The following DNAH10 variants were observed in gnomAD, a reference collection of about 807,000 sequenced individuals.
DNAH10 encodes the protein dynein axonemal heavy chain 10.
Under a neutral mutation model 506.6 loss-of-function variants are expected in DNAH10, and 348 were observed. That is an observed-to-expected ratio of 0.69 (90% CI 0.63 to 0.75). The LOEUF (loss-of-function observed/expected upper bound fraction) is 0.75, where lower values mean the gene tolerates loss of function less well. DNAH10 is among the 30% of genes least tolerant of loss of function. The probability of loss-of-function intolerance (pLI) is 0.00; values close to 1 mark genes in which losing one functional copy is unlikely to be tolerated. For synonymous variants in DNAH10, 2,059 were observed against 2,198.6 expected (o/e 0.94, Z 1.78); for missense variants, 5,179 against 5,787.1 (o/e 0.89, Z 3.41).
At chr12:123,791,007 A>C (rs1005305565) in intron 11 of DNAH10, among the ~76,000 whole-genome samples, 2 of 152,132 alleles carry the variant, frequency 1.3e-5, no homozygotes, top group African/African-American at 2.4e-5. Flanking sequence ...TTCTTCCTGT[A>C]GTCCCAGCTA....
At chr12:123,904,905 A>G (rs1953705465) in intron 57 of DNAH10, among the ~76,000 whole-genome samples, 1 of 152,134 alleles carries the variant, frequency 6.6e-6, no homozygotes, top group Admixed American at 6.5e-5. Flanking sequence ...TGTGTCCTCT[A>G]TCAGCTGTGG....
In DNAH10 at chr12:123,916,741, G is replaced by A. The variant is rs1328925641; in HGVS notation, c.11002+5G>A. The A allele has an allele frequency of 1.2e-6, 2 of 1,601,582 alleles. No individual in the cohort carries two copies. The highest frequency in any genetic ancestry group is 2.2e-5 in the East Asian group (1 of 44,694). On this transcript the variant is annotated splice_donor_5th_base_variant and intron_variant, in intron 63 of 78. Coordinates refer to ENST00000673944, the MANE Select transcript of DNAH10 (RefSeq NM_001372106.1). The surrounding 1 kb of genome is among the most constrained non-coding windows in gnomAD (Gnocchi z 4.6). ...CTATGGTGATCAATTACACTGGTAA[G>A]AATGTGTAGAACCTCCACTGCTAAT...
chr12:123,867,406 C>T, intron 41 of DNAH10, 61 bp from the exon 42 acceptor site: 1 of 1,547,208 alleles, frequency 6.5e-7, no homozygotes, highest in South Asian at 1.3e-5. Context: ...AAAAGCTTTC[C>T]ACTAACTTCC....
chr12:123,932,436 T>G (rs921491943), intron 76 of DNAH10, among the ~76,000 whole-genome samples: 1 of 152,134 alleles, frequency 6.6e-6, no homozygotes, highest in Non-Finnish European at 1.5e-5. Context: ...CTCCTCCTTC[T>G]GTATCCTAAA....
chr12:123,924,548 T>C, intron 67 of DNAH10, 116 bp downstream of exon 67: 1 of 1,272,818 alleles, frequency 7.9e-7, no homozygotes, highest in Middle Eastern at 2.5e-4. Context: ...CCATTCAGTG[T>C]GTAACTGATG....
At chr12:123,929,859 T>A in intron 72 of DNAH10, 100 bp downstream of exon 72, 1 of 1,033,792 alleles carries the variant, frequency 9.7e-7, no homozygotes, top group South Asian at 1.4e-5. Flanking sequence ...CAGCCTCTTC[T>A]GCCCCTGTGT....
At chr12:123,886,474 C>CGT (rs1357316098) in intron 51 of DNAH10, among the ~76,000 whole-genome samples, 3 of 133,060 alleles carry the variant, frequency 2.3e-5, no homozygotes, top group East Asian at 2.1e-4. Context: ...GCGTTGCGCG[C>CGT]GCGCGCGTGT....
Position 123,859,228 on chromosome 12 carries a change from A to G in DNAH10, c.6709A>G (p.Lys2237Glu), listed in dbSNP as rs768532533. 6.2e-7 allele frequency: 1 copy of G among 1,610,680 alleles called. No individual in the cohort carries two copies. Among genetic ancestry groups the G allele is most frequent in the Admixed American group, 1.7e-5 (1 of 59,300 alleles). ...GGTGGTGGGGCCCACCAGAGGGGGC[A>G]AGTCCGTCGTCATTAACACTCTGTG... ...TMVVGPTRGG[K>E]SVVINTLCQA... Residue 2237 changes from lysine to glutamate, a missense_variant, in exon 38 of 79, where the codon AAG becomes GAG. Transcript: ENST00000673944.
chr12:123,864,190 G>A (rs148203554), intron 39 of DNAH10, among the ~76,000 whole-genome samples: 231 of 143,768 alleles, frequency 1.6e-3, no homozygotes, highest in African/African-American at 5.0e-3. Flanking sequence ...CTGTTGCCTG[G>A]GTGGGAGTGC....
chr12:123,838,732 G>C (rs762828219), intron 29 of DNAH10, 43 bp downstream of exon 29: 1 of 1,570,798 alleles, frequency 6.4e-7, no homozygotes, highest in Non-Finnish European at 8.7e-7. Context: ...GTAAGCCTTA[G>C]AACCGCCTTC....
intron 4 of DNAH10, 111 bp downstream of exon 4, chr12:123,773,053 G>A (rs1202029818): frequency 8.2e-6 from 6 of 732,550 alleles, no homozygotes; most frequent in South Asian, 1.9e-5. Flanking sequence ...CCTATGCCAA[G>A]CTCTCTTTCT....
rs772541846 is a variant in DNAH10 at position 123,845,705 on chromosome 12, G to A, written c.5466G>A (p.Glu1822=). 2 of 1,613,894 alleles carry A rather than the reference G, an allele frequency of 1.2e-6. No individual in the cohort carries two copies. Among genetic ancestry groups the A allele is most frequent in the Non-Finnish European group, 1.7e-6 (2 of 1,179,874 alleles). ...EDVFHKAQKG[E]KQAMKNYGRK... Reference sequence around the variant, plus strand: ...TCTTCCACAAAGCGCAAAAAGGGGAGAAGCAGGCCATGAAGAACTATGGCA... The same window carrying A: ...TCTTCCACAAAGCGCAAAAAGGGGAAAAGCAGGCCATGAAGAACTATGGCA... The change falls in exon 31 of 79, where the codon GAG becomes GAA. Residue 1822 remains glutamate, a synonymous_variant. Transcript: ENST00000673944.
chr12:123,915,196 C>G (rs1180559554), intron 62 of DNAH10, among the ~76,000 whole-genome samples, 197 bp downstream of exon 62: 1 of 149,280 alleles, frequency 6.7e-6, no homozygotes, highest in South Asian at 2.1e-4. Context: ...CAGCTCAAAC[C>G]GCCATGAACT....
At chr12:123,849,294 G>A (rs187509041) in intron 34 of DNAH10, among the ~76,000 whole-genome samples, 373 of 152,262 alleles carry the variant, frequency 2.4e-3, no homozygotes, top group African/African-American at 8.3e-3. Context: ...GTGAAGTTAC[G>A]GCATCATAAC....
chr12:123,782,954 G>C (rs1957718344), intron 6 of DNAH10, among the ~76,000 whole-genome samples, 153 bp from the exon 7 acceptor site: 1 of 152,244 alleles, frequency 6.6e-6, no homozygotes, highest in African/African-American at 2.4e-5. Context: ...TAATGAAAGA[G>C]AATGAGATAC....
chr12:123,896,148 C>CACATAGAGAGAGAGAGAGAGAGAGAG (rs1383690518), intron 54 of DNAH10, among the ~76,000 whole-genome samples: 1 of 95,272 alleles, frequency 1.0e-5, no homozygotes, highest in Non-Finnish European at 1.9e-5. Context: ...CACACACACA[C>CACATAGAGAGAGAGAGAGAGAGAGAG]AGAGAGAGAG....
chr12:123,858,644 C>T (rs1951494933), intron 37 of DNAH10, among the ~76,000 whole-genome samples: 1 of 152,118 alleles, frequency 6.6e-6, no homozygotes, highest in African/African-American at 2.4e-5. Context: ...TCCGGAGCAG[C>T]ATTATTCATA....
Position 123,929,381 on chromosome 12 carries a change from T to C in DNAH10, c.12413T>C (p.Leu4138Pro). 6.2e-7 allele frequency: 1 copy of C among 1,613,086 alleles called. No individual in the cohort carries two copies. Among genetic ancestry groups the C allele is most frequent in the Non-Finnish European group, 8.5e-7 (1 of 1,179,532 alleles). ...DQCPHPAFKP[L>P]VYVLAFFHAV... The stretch of plus-strand genomic sequence containing the variant: ...TGCCCGCACCCTGCCTTCAAGCCGC[T>C]GGTCTACGTGCTGGCGTTCTTTCAT... Residue 4138 changes from leucine to proline, a missense_variant, in exon 71 of 79, where the codon CTG (leucine) becomes CCG (proline). Coordinates refer to ENST00000673944, the MANE Select transcript of DNAH10 (RefSeq NM_001372106.1).
In DNAH10 at chr12:123,909,434, A is replaced by T; in HGVS notation, c.9989A>T (p.Asn3330Ile). 6.3e-7 allele frequency: 1 copy of T among 1,591,964 alleles called. No homozygotes were observed. The highest frequency in any genetic ancestry group is 8.6e-7 in the Non-Finnish European group (1 of 1,167,628). ...FDSITQSQVKNIKGLLKTLNT... is the reference protein window; with the variant it reads ...FDSITQSQVKIIKGLLKTLNT... ...TCGATTACCCAGAGCCAAGTGAAAA[A>T]CATCAAAGGTGAGTGTAGCCACGTG... The change falls in exon 58 of 79, where the codon AAC becomes ATC. Residue 3330 changes from asparagine to isoleucine, a missense_variant. Asn to Ile is a moderately radical substitution (Grantham distance 149). Transcript: ENST00000673944. The surrounding 1 kb of genome is among the most constrained non-coding windows in gnomAD (Gnocchi z 5.4).
Sources: gnomAD v4.1 joint callset for allele counts (sites outside exome capture counted in the v4.1 genomes callset) on GRCh38, gnomAD v4.1.1 for gene constraint, Gnocchi (gnomAD v3.1) non-coding constraint, MANE v1.5 for transcripts, NCBI Gene and HGNC (gene_info 2026-07-23, HGNC 2026-07-21) for gene names.